Variants in MARCHF1 observed in about 807,000 individuals in gnomAD.
MARCHF1 encodes the protein E3 ubiquitin-protein ligase MARCHF1.
A neutral mutation model predicts 54.2 loss-of-function variants in MARCHF1; 40 were observed. The ratio of observed to expected loss-of-function variants is 0.74; its 90% CI spans 0.57 to 0.96. The LOEUF is 0.96. MARCHF1 is among the 40% of genes least tolerant of loss of function. The probability of loss-of-function intolerance (pLI) is 0.00; values close to 1 mark genes in which losing one functional copy is unlikely to be tolerated. For synonymous variants in MARCHF1, 236 were observed against 236.3 expected (o/e 1.00, Z 0.01); for missense variants, 586 against 656.5 (o/e 0.89, Z 1.17).
chr4:163,527,712 C>CTAAT lies in MARCHF1; in HGVS notation c.*1032_*1035dup, dbSNP rs1345318622. ...GTTAAATAAAGCAGAAGCTTAGTCT[C>CTAAT]TAATTTTACGGCTGTGCTATCCAAT... On this transcript the variant is annotated 3_prime_UTR_variant, in exon 10 of 10. Transcript: ENST00000514618. The CTAAT allele has an allele frequency of 2.0e-4, 31 of 151,914 alleles. No homozygotes were observed. The highest frequency in any genetic ancestry group is 3.9e-4 in the African/African-American group (16 of 41,422). 9.4% of individuals were successfully genotyped at this position (151,914 alleles called of 1,614,324 possible).
At position 163,733,254 on chromosome 4, in the gene MARCHF1, T is replaced by TACAC. The variant is rs1197682481; in HGVS notation, c.112-32392_112-32391insGTGT. Among the ~76,000 whole-genome samples, 268 of 43,010 alleles carry TACAC rather than the reference T, an allele frequency of 6.2e-3. 33 individuals carry two copies. Among genetic ancestry groups the TACAC allele is most frequent in the Non-Finnish European group, 0.015 (215 of 14,700 alleles). The allele number at this position is 43,010 out of a possible 152,430, so 28.2% of individuals were successfully genotyped here. ...ATATATATATATACACGTGTATATATATATACACACACACACACACACAGA... is the reference window on the plus strand; with the variant it reads ...ATATATATATATACACGTGTATATATACACATATACACACACACACACACACAGA... On this transcript the variant is annotated intron_variant, in intron 4 of 9. Coordinates refer to ENST00000514618, the MANE Select transcript of MARCHF1 (RefSeq NM_001394959.1).
At chr4:163,908,462 T>C (rs1354199660) in intron 3 of MARCHF1, among the ~76,000 whole-genome samples, 2 of 152,184 alleles carry the variant, frequency 1.3e-5, no homozygotes, top group Non-Finnish European at 2.9e-5. Flanking sequence ...AAATATACTT[T>C]AATAGAGAAA....
At chr4:164,142,956 C>A (rs143956447) in intron 1 of MARCHF1, among the ~76,000 whole-genome samples, 1,839 of 152,026 alleles carry the variant, frequency 0.012, 38 homozygotes, top group East Asian at 0.085. Flanking sequence ...ACTAGAATAA[C>A]CAAAACAGAG....
At chr4:163,707,786 TAA>T (rs777522371) in intron 4 of MARCHF1, among the ~76,000 whole-genome samples, 28 of 65,916 alleles carry the variant, frequency 4.2e-4, no homozygotes, top group Non-Finnish European at 3.9e-4. Flanking sequence ...TGTTTTGAAC[TAA>T]AAAAAAAAAA....
chr4:163,652,599 G>A (rs1271970172), intron 5 of MARCHF1, among the ~76,000 whole-genome samples: 1 of 151,760 alleles, frequency 6.6e-6, no homozygotes, highest in Non-Finnish European at 1.5e-5. Flanking sequence ...GTAACACTGT[G>A]ACATATAACC....
intron 2 of MARCHF1, among the ~76,000 whole-genome samples, chr4:164,058,737 T>C (rs569396258): frequency 6.6e-6 from 1 of 152,170 alleles, no homozygotes; most frequent in African/African-American, 2.4e-5. Context: ...TTGACAACTT[T>C]CATGAGGGGA....
intron 4 of MARCHF1, among the ~76,000 whole-genome samples, chr4:163,814,816 C>T (rs1262664117): frequency 2.6e-5 from 4 of 152,104 alleles, no homozygotes; most frequent in African/African-American, 7.2e-5. Flanking sequence ...ACTATCAATG[C>T]TACAGGATTC....
intron 4 of MARCHF1, among the ~76,000 whole-genome samples, chr4:163,844,376 C>T (rs949240102): frequency 6.6e-6 from 1 of 152,042 alleles, no homozygotes; most frequent in Non-Finnish European, 1.5e-5. Context: ...TATATGTTGT[C>T]TGTTTATTCT....
intron 3 of MARCHF1, among the ~76,000 whole-genome samples, chr4:163,860,166 G>A (rs1438495521): frequency 2.6e-5 from 4 of 152,102 alleles, no homozygotes; most frequent in African/African-American, 7.2e-5. Context: ...AATTATGGTC[G>A]ATTTCAGAAT....
chr4:163,538,059 A>C (rs1461309331), intron 9 of MARCHF1, among the ~76,000 whole-genome samples: 1 of 152,180 alleles, frequency 6.6e-6, no homozygotes, highest in Non-Finnish European at 1.5e-5. Context: ...AAGGAATCAA[A>C]ATGCTGCAGC....
intron 2 of MARCHF1, among the ~76,000 whole-genome samples, chr4:164,030,522 C>T (rs552144590): frequency 6.6e-6 from 1 of 152,214 alleles, no homozygotes; most frequent in East Asian, 1.9e-4. Context: ...GAAAGATTTA[C>T]TTTAACACAA....
chr4:163,824,319 C>G (rs1748782458), intron 4 of MARCHF1, among the ~76,000 whole-genome samples: 1 of 151,468 alleles, frequency 6.6e-6, no homozygotes, highest in Non-Finnish European at 1.5e-5. Context: ...AGAACAGAGC[C>G]CTCAGAAATA....
chr4:163,840,984 A>C (rs1336851866), intron 4 of MARCHF1, among the ~76,000 whole-genome samples: 1 of 152,102 alleles, frequency 6.6e-6, no homozygotes, highest in Non-Finnish European at 1.5e-5. Context: ...TTTTAAAAAA[A>C]ATCTCTGTAC....
chr4:163,764,981 T>C (rs958614276), intron 4 of MARCHF1, among the ~76,000 whole-genome samples: 1 of 152,138 alleles, frequency 6.6e-6, no homozygotes, highest in African/African-American at 2.4e-5. Context: ...AATTATTTAG[T>C]ACATTTTAAT....
At chr4:164,375,204 T>A (rs1000236181) in intron 1 of MARCHF1, among the ~76,000 whole-genome samples, 3 of 152,166 alleles carry the variant, frequency 2.0e-5, no homozygotes, top group African/African-American at 7.2e-5. Flanking sequence ...TTCAGTAACA[T>A]CTAATAGACC....
At chr4:163,765,187 T>C (rs1273923764) in intron 4 of MARCHF1, among the ~76,000 whole-genome samples, 4 of 152,112 alleles carry the variant, frequency 2.6e-5, no homozygotes, top group African/African-American at 7.2e-5. Context: ...GTTTCATTGA[T>C]TGTTAGAATT....
At chr4:163,818,609 T>C (rs1039775135) in intron 4 of MARCHF1, among the ~76,000 whole-genome samples, 2 of 152,154 alleles carry the variant, frequency 1.3e-5, no homozygotes, top group Non-Finnish European at 2.9e-5. Context: ...CCCAGCCTTT[T>C]ATCTGTCCCT....
At chr4:164,066,181 A>G (rs1040232327) in intron 2 of MARCHF1, among the ~76,000 whole-genome samples, 13 of 11,166 alleles carry the variant, frequency 1.2e-3, no homozygotes, top group Admixed American at 8.5e-3. Context: ...AACTTGCAAG[A>G]AAAAAAAAAC....
intron 1 of MARCHF1, among the ~76,000 whole-genome samples, chr4:164,176,629 T>C (rs183783746): frequency 6.6e-6 from 1 of 152,170 alleles, no homozygotes; most frequent in East Asian, 1.9e-4. Context: ...ACCCTAAGAA[T>C]TTGGGAATCT....
Sources: allele counts gnomAD v4.1 joint callset (sites outside exome capture counted in the v4.1 genomes callset), GRCh38; gene constraint gnomAD v4.1.1; transcripts MANE v1.5; gene names NCBI Gene and HGNC (gene_info 2026-07-23, HGNC 2026-07-21).